The following AK2 variants were observed in gnomAD, a reference collection of about 807,000 sequenced individuals.
The protein encoded by AK2 is adenylate kinase 2, mitochondrial.
Under a neutral mutation model 24.6 loss-of-function variants are expected in AK2, and 15 were observed. The ratio of observed to expected loss-of-function variants is 0.61; its 90% CI spans 0.41 to 0.94. The LOEUF is 0.94. AK2 is among the 40% of genes least tolerant of loss of function. The pLI is 0.00. For synonymous variants in AK2, 102 were observed against 114.0 expected, an observed-to-expected ratio of 0.90 and a Z score of 0.67; for missense variants, 257 against 304.1, an observed-to-expected ratio of 0.85 and a Z score of 1.15.
At chr1:33,021,519 T>C in intron 3 of AK2, 58 bp from the exon 4 acceptor site, 1 of 1,605,668 alleles carries the variant, frequency 6.2e-7, no homozygotes, top group Non-Finnish European at 8.5e-7. Context: ...CCCATCTCCT[T>C]CAAAGGAATT....
In AK2 at chr1:33,021,456, A is replaced by T. The variant is rs762650267; in HGVS notation, c.336T>A (p.Asp112Glu). 2 of 1,614,158 alleles carry T rather than the reference A, an allele frequency of 1.2e-6. 1 individual carries two copies. Among genetic ancestry groups the T allele is most frequent in the South Asian group, 2.2e-5 (2 of 91,076 alleles). Residue 112 changes from aspartate (D) to glutamate (E), a missense_variant, in exon 4 of 6, where the codon GAT becomes GAA. Asp to Glu is a conservative substitution (Grantham distance 45). Transcript: ENST00000672715. ...PRTVRQAEML[D>E]DLMEKRKEKL... The stretch of plus-strand genomic sequence containing the variant: ...TCTCTTTCCTCTTCTCCATGAGGTC[A>T]TCGAGCTGTAAAAGAATGTGTGGCC...
intron 4 of AK2, among the ~76,000 whole-genome samples, chr1:33,015,515 T>C (rs1357316977): frequency 6.6e-6 from 1 of 152,246 alleles, no homozygotes; most frequent in Non-Finnish European, 1.5e-5. Context: ...AGTGTTTGTT[T>C]GCTTATTTAA....
chr1:33,023,415 C>T (rs1639672501), intron 2 of AK2, among the ~76,000 whole-genome samples: 1 of 150,464 alleles, frequency 6.6e-6, no homozygotes, highest in East Asian at 1.9e-4. Flanking sequence ...ACAACAACAA[C>T]AACAACAACA....
chr1:33,032,131 C>T lies in AK2; in HGVS notation c.93+4605G>A, dbSNP rs540277157. 12 of 162,316 alleles carry T rather than the reference C, an allele frequency of 7.4e-5. No individual in the cohort carries two copies. The South Asian group carries it at 1.5e-3, about 20-fold the overall frequency. 10.1% of individuals were successfully genotyped at this position (162,316 alleles called of 1,614,324 possible). ...TTACTGAGCAGGCACTAGGCACTAA[C>T]CCCAGGTTAGGGATTTTACATGTAA... On this transcript the variant is annotated intron_variant, in intron 1 of 5. Transcript: ENST00000672715.
chr1:33,015,968 T>C (rs1190773123), intron 4 of AK2, among the ~76,000 whole-genome samples: 1 of 152,200 alleles, frequency 6.6e-6, no homozygotes, highest in Non-Finnish European at 1.5e-5. Flanking sequence ...TACTTTCTTT[T>C]TTGTTAATCA....
intron 1 of AK2, among the ~76,000 whole-genome samples, chr1:33,025,627 T>C (rs1340199414): frequency 3.9e-5 from 6 of 152,236 alleles, no homozygotes; most frequent in Non-Finnish European, 7.3e-5. Flanking sequence ...GAGCACAGGC[T>C]TGAGAGTTAA....
rs759518797 is a variant in AK2, at chr1:33,009,276, G to C, written c.*3905C>G. 4.4e-6 allele frequency: 2 copies of C among 454,154 alleles called. No homozygotes were observed. Among genetic ancestry groups the C allele is most frequent in the African/African-American group, 4.0e-5 (2 of 50,142 alleles). The allele number at this position is 454,154 out of a possible 1,614,324, so 28.1% of individuals were successfully genotyped here. ...AGGCAGCCCTTCCAAAAACATGAGAGCTTTAGTTTGGAGAAATTATTTAAG... is the reference window on the plus strand; with the variant it reads ...AGGCAGCCCTTCCAAAAACATGAGACCTTTAGTTTGGAGAAATTATTTAAG... On this transcript the variant is annotated 3_prime_UTR_variant, in exon 6 of 6. Coordinates refer to ENST00000672715, the MANE Select transcript of AK2 (RefSeq NM_001625.4).
rs536907850 is a variant in AK2, at chr1:33,028,299, T to C, written c.94-3732A>G. ...CAGGCGGATCATCTGAGGTCGGGAG[T>C]TCAAGACCAGCATGACCAACATGGA... On this transcript the variant is annotated intron_variant, in intron 1 of 5. Transcript: ENST00000672715. Among the ~76,000 whole-genome samples the C allele has an allele frequency of 2.0e-5, 3 of 151,506 alleles. No homozygotes were observed. In the East Asian group the frequency reaches 5.8e-4, roughly 29 times the overall value.
At chr1:33,015,625 T>C (rs1557614572) in intron 4 of AK2, among the ~76,000 whole-genome samples, 1 of 152,234 alleles carries the variant, frequency 6.6e-6, no homozygotes, top group Non-Finnish European at 1.5e-5. Context: ...GCCCAGCAGC[T>C]TATGCCTGTG....
In AK2 at chr1:33,009,458, T is replaced by C; in HGVS notation, c.*3723A>G. ...TGGACAAGTGTCCATTCAACAGTTA[T>C]CCAGCCTGGCAGGAAGCAGATATCT... On this transcript the variant is annotated 3_prime_UTR_variant, in exon 6 of 6. Coordinates refer to ENST00000672715, the MANE Select transcript of AK2 (RefSeq NM_001625.4). The C allele has an allele frequency of 2.2e-6, 1 of 454,148 alleles. No homozygotes were observed. Among genetic ancestry groups the C allele is most frequent in the African/African-American group, 2.0e-5 (1 of 50,126 alleles). 28.1% of individuals were successfully genotyped at this position (454,148 alleles called of 1,614,324 possible).
chr1:33,022,295 G>A (rs1240183952), intron 2 of AK2, among the ~76,000 whole-genome samples: 2 of 151,476 alleles, frequency 1.3e-5, no homozygotes, highest in Non-Finnish European at 2.9e-5. Flanking sequence ...TCACTGAATT[G>A]GCAAGATTGG....
At chr1:33,024,923 A>G (rs990270368) in intron 1 of AK2, among the ~76,000 whole-genome samples, 1 of 152,216 alleles carries the variant, frequency 6.6e-6, no homozygotes, top group African/African-American at 2.4e-5. Context: ...ATGGTGGCTC[A>G]CGCCTATAAC....
At chr1:33,021,924 G>A (rs768872290) in intron 2 of AK2, among the ~76,000 whole-genome samples, 2 of 151,996 alleles carry the variant, frequency 1.3e-5, no homozygotes, top group Non-Finnish European at 2.9e-5. Flanking sequence ...ACACACTCTC[G>A]TCTCTTGAAA....
In AK2 at chr1:33,018,039, C is replaced by G. The variant is rs568545418; in HGVS notation, c.425+3328G>C. Among the ~76,000 whole-genome samples the G allele has an allele frequency of 9.2e-5, 14 of 152,262 alleles. No individual in the cohort carries two copies. In the South Asian group the frequency reaches 2.9e-3, roughly 32 times the overall value. On this transcript the variant is annotated intron_variant, in intron 4 of 5. Transcript: ENST00000672715. ...TTAGGTCCCTACCAAATGCTGGGAT[C>G]ACAGGCATGAACCACTGCGCCCAAC...
At position 33,024,422 on chromosome 1, in the gene AK2, A is replaced by G. The variant is rs377400886; in HGVS notation, c.219+20T>C. The G allele has an allele frequency of 1.1e-5, 18 of 1,613,218 alleles. No homozygotes were observed. In the African/African-American group the frequency reaches 2.1e-4, roughly 19 times the overall value. On this transcript the variant is annotated intron_variant, in intron 2 of 5. Coordinates refer to ENST00000672715, the MANE Select transcript of AK2 (RefSeq NM_001625.4). Reference sequence around the variant, plus strand: ...TAGATTCTGAGGAATATCAACACTCATTGGTACCACCAAACCTACCAGTTT... The same window carrying G: ...TAGATTCTGAGGAATATCAACACTCGTTGGTACCACCAAACCTACCAGTTT...
chr1:33,012,488 A>G lies in AK2; in HGVS notation c.*693T>C. On this transcript the variant is annotated 3_prime_UTR_variant, in exon 6 of 6. Coordinates refer to ENST00000672715, the MANE Select transcript of AK2 (RefSeq NM_001625.4). Reference sequence around the variant, plus strand: ...TGACTTCACATGATCCTGGACTTCTAATCAGCTGCTGGAAATGGAAGAAAT... The same window carrying G: ...TGACTTCACATGATCCTGGACTTCTGATCAGCTGCTGGAAATGGAAGAAAT... 7.2e-7 allele frequency: 1 copy of G among 1,388,534 alleles called. No homozygotes were observed. Among genetic ancestry groups the G allele is most frequent in the Non-Finnish European group, 9.5e-7 (1 of 1,055,504 alleles). The allele number at this position is 1,388,534 out of a possible 1,614,324, so 86.0% of individuals were successfully genotyped here. A position where few individuals can be genotyped will look rare whatever the true frequency, so the allele number is the denominator to read the frequency against.
intron 1 of AK2, among the ~76,000 whole-genome samples, chr1:33,030,629 G>C (rs1183494143): frequency 1.3e-5 from 2 of 152,192 alleles, no homozygotes; most frequent in Non-Finnish European, 2.9e-5. Flanking sequence ...CTTTGAGCAT[G>C]TGCATCATGC....
chr1:33,027,217 C>A (rs1341804400), intron 1 of AK2, among the ~76,000 whole-genome samples: 1 of 152,228 alleles, frequency 6.6e-6, no homozygotes, highest in Non-Finnish European at 1.5e-5. Context: ...GGCCGTACAT[C>A]TAGAGAGTGC....
At chr1:33,019,059 A>G (rs576313262) in intron 4 of AK2, among the ~76,000 whole-genome samples, 9 of 152,184 alleles carry the variant, frequency 5.9e-5, no homozygotes, top group Non-Finnish European at 1.3e-4. Context: ...GCGAAAGTCC[A>G]ACCCATAATC....
Sources: allele counts gnomAD v4.1 joint callset (sites outside exome capture counted in the v4.1 genomes callset), GRCh38; gene constraint gnomAD v4.1.1; transcripts MANE v1.5; gene names NCBI Gene and HGNC (gene_info 2026-07-23, HGNC 2026-07-21).